Variants in SERPINI2 observed in about 807,000 individuals in gnomAD.
SERPINI2 encodes serpin family I member 2.
In SERPINI2, 48 loss-of-function variants were observed where a neutral mutation model predicts 47.3. The observed-to-expected ratio is 1.02, with a 90% confidence interval of 0.81 to 1.29. The LOEUF is 1.29. Ranked by LOEUF, SERPINI2 falls within the 50% of genes most tolerant of loss-of-function variation. The pLI is 0.00. For missense variants in SERPINI2, 448 were observed against 456.9 expected, an observed-to-expected ratio of 0.98 and a Z score of 0.18; for synonymous variants, 135 against 149.3, an observed-to-expected ratio of 0.90 and a Z score of 0.70.
rs778715236 is a variant in SERPINI2 at position 167,443,831 on chromosome 3, C to T, written c.1142-1646G>A. ...GAATCTTCATGCCATCATCAATCTACTTACTACTAAATTGGGCAGATTAAT... is the reference window on the plus strand; with the variant it reads ...GAATCTTCATGCCATCATCAATCTATTTACTACTAAATTGGGCAGATTAAT... On this transcript the variant is annotated intron_variant, in intron 8 of 8. Coordinates refer to ENST00000264677, the Ensembl canonical transcript of SERPINI2. Among the ~76,000 whole-genome samples, 27 of 152,136 alleles carry T rather than the reference C, an allele frequency of 1.8e-4. 1 individual carries two copies. Among genetic ancestry groups the T allele is most frequent in the Admixed American group, 1.2e-3 (19 of 15,282 alleles).
chr3:167,447,690 T>C (rs778495485), intron 7 of SERPINI2, among the ~76,000 whole-genome samples: 2 of 152,204 alleles, frequency 1.3e-5, no homozygotes, highest in East Asian at 1.9e-4. Flanking sequence ...TCTTCACCAA[T>C]ATAATGAGAT....
intron 3 of SERPINI2, among the ~76,000 whole-genome samples, chr3:167,466,423 C>T (rs1280203829): frequency 6.6e-6 from 1 of 152,168 alleles, no homozygotes; most frequent in Non-Finnish European, 1.5e-5. Context: ...TGTCACTTCA[C>T]ATACATTATT....
intron 2 of SERPINI2, chr3:167,469,495 A>G (rs1459149170): frequency 6.6e-6 from 1 of 152,216 alleles, no homozygotes; most frequent in Non-Finnish European, 1.5e-5. Context: ...AAGAAGCTTC[A>G]CAAGTGACAT....
chr3:167,461,097 G>A (rs1031505410), intron 5 of SERPINI2, among the ~76,000 whole-genome samples: 4 of 152,112 alleles, frequency 2.6e-5, no homozygotes, highest in African/African-American at 9.7e-5. Context: ...TAACTTCAAG[G>A]GAAACCATGG....
At chr3:167,471,940 TA>T (rs1354285260) in intron 1 of SERPINI2, 96 bp from the exon 2 acceptor site, 78 of 834,508 alleles carry the variant, frequency 9.3e-5, no homozygotes, top group Non-Finnish European at 1.3e-4. Flanking sequence ...CTTTCTATCT[TA>T]ATAGAACTTA....
At chr3:167,474,859 T>A (rs1750444890), upstream of SERPINI2, among the ~76,000 whole-genome samples, 1 of 151,704 alleles carries the variant, frequency 6.6e-6, no homozygotes, top group Non-Finnish European at 1.5e-5. Flanking sequence ...TCTATAGCCT[T>A]TGAGAAGAGA....
At chr3:167,448,648 G>A (rs968449031) in intron 7 of SERPINI2, among the ~76,000 whole-genome samples, 2 of 152,040 alleles carry the variant, frequency 1.3e-5, no homozygotes, top group Non-Finnish European at 2.9e-5. Context: ...TCAGCCTCCC[G>A]AGTAGCTGGG....
chr3:167,455,112 T>C (rs1309244226), intron 5 of SERPINI2, among the ~76,000 whole-genome samples: 1 of 152,214 alleles, frequency 6.6e-6, no homozygotes, highest in African/African-American at 2.4e-5. Context: ...TTCATATTTC[T>C]CCCAGTTGTG....
intron 7 of SERPINI2, among the ~76,000 whole-genome samples, chr3:167,448,615 T>C (rs1224706516): frequency 6.6e-6 from 1 of 152,108 alleles, no homozygotes; most frequent in Non-Finnish European, 1.5e-5. Context: ...CTCTGCCTCC[T>C]GGGTTCACGC....
At chr3:167,463,007 A>T (rs1750026134) in intron 5 of SERPINI2, among the ~76,000 whole-genome samples, 1 of 152,116 alleles carries the variant, frequency 6.6e-6, no homozygotes, top group South Asian at 2.1e-4. Flanking sequence ...TATTATTTAG[A>T]CTGAAAAATC....
intron 6 of SERPINI2, among the ~76,000 whole-genome samples, chr3:167,450,402 G>A (rs372140048): frequency 6.6e-6 from 1 of 152,266 alleles, no homozygotes; most frequent in East Asian, 1.9e-4. Context: ...CCTCAAGAAG[G>A]AAGAAGTGAA....
chr3:167,443,581 T>C (rs1413778518), intron 8 of SERPINI2, among the ~76,000 whole-genome samples: 1 of 152,180 alleles, frequency 6.6e-6, no homozygotes, highest in East Asian at 1.9e-4. Flanking sequence ...AAGCAGCGAC[T>C]CCTATATCTT....
upstream of SERPINI2, among the ~76,000 whole-genome samples, chr3:167,475,726 G>A (rs952667745): frequency 6.7e-6 from 1 of 149,634 alleles, no homozygotes; most frequent in East Asian, 2.0e-4. Flanking sequence ...AGAAAATCGG[G>A]GTGGGGGGAG....
At chr3:167,453,616 G>T (rs1749702164) in intron 5 of SERPINI2, among the ~76,000 whole-genome samples, 1 of 144,246 alleles carries the variant, frequency 6.9e-6, no homozygotes, top group Non-Finnish European at 1.5e-5. Context: ...AGGGGAACCA[G>T]ATTTCTTTCA....
chr3:167,456,077 T>A (rs1749781128), intron 5 of SERPINI2, among the ~76,000 whole-genome samples: 1 of 151,736 alleles, frequency 6.6e-6, no homozygotes, highest in African/African-American at 2.4e-5. Context: ...TACAACACAA[T>A]CTTTGACAAT....
intron 5 of SERPINI2, 25 bp downstream of exon 5, chr3:167,465,181 C>T (rs781007826): frequency 4.4e-6 from 7 of 1,577,470 alleles, no homozygotes; most frequent in Admixed American, 3.8e-5. Context: ...CGTAAGAACT[C>T]GTATAATAAA....
intron 1 of SERPINI2, chr3:167,473,763 T>C (rs1302130067): frequency 6.8e-7 from 1 of 1,480,540 alleles, no homozygotes; most frequent in East Asian, 2.6e-5. Flanking sequence ...TCATATCTTA[T>C]CAGAAAGCAC....
intron 2 of SERPINI2, among the ~76,000 whole-genome samples, chr3:167,470,674 G>C (rs1304121577): frequency 7.5e-5 from 11 of 146,352 alleles, no homozygotes; most frequent in Non-Finnish European, 1.5e-4. Context: ...CACTTCTCCT[G>C]CCTTAGCCTC....
At chr3:167,466,565 T>C (rs562561442) in intron 3 of SERPINI2, among the ~76,000 whole-genome samples, 4 of 152,312 alleles carry the variant, frequency 2.6e-5, no homozygotes, top group East Asian at 1.9e-4. Flanking sequence ...TGTAGTCAAC[T>C]ATGAAATTTT....
Sources: gnomAD v4.1 joint callset for allele counts (sites outside exome capture counted in the v4.1 genomes callset) on GRCh38, gnomAD v4.1.1 for gene constraint, MANE v1.5 for transcripts, NCBI Gene and HGNC (gene_info 2026-07-23, HGNC 2026-07-21) for gene names.